Variants in THADA observed in about 807,000 individuals in gnomAD.
THADA encodes THADA armadillo repeat containing, also known as tRNA (32-2'-O)-methyltransferase regulator THADA.
In THADA, 213 loss-of-function variants were observed where a neutral mutation model predicts 219.8. The observed-to-expected ratio is 0.97, with a 90% CI of 0.87 to 1.09. The LOEUF (loss-of-function observed/expected upper bound fraction) is 1.09, where lower values mean the gene tolerates loss of function less well. Among genes scored for constraint, THADA ranks in the 50% least tolerant of loss-of-function variants. The probability of loss-of-function intolerance (pLI) is 0.00; values close to 1 mark genes in which losing one functional copy is unlikely to be tolerated. For missense variants in THADA, 2,956 were observed against 2,311.3 expected (o/e 1.28, Z -5.72); for synonymous variants, 1,018 against 828.9 (o/e 1.23, Z -3.92).
At chr2:43,553,162 G>A (rs1304156842) in intron 17 of THADA, among the ~76,000 whole-genome samples, 3 of 152,144 alleles carry the variant, frequency 2.0e-5, no homozygotes, top group East Asian at 1.9e-4. Flanking sequence ...GTTGACAGAC[G>A]TAGATTGTTC....
intron 16 of THADA, among the ~76,000 whole-genome samples, chr2:43,557,487 A>T (rs952204712): frequency 1.1e-4 from 17 of 152,224 alleles, no homozygotes; most frequent in African/African-American, 4.1e-4. Context: ...GTACCTGGTG[A>T]AACTTTGTGT....
intron 25 of THADA, among the ~76,000 whole-genome samples, chr2:43,497,860 G>C (rs1044030587): frequency 1.3e-5 from 2 of 152,098 alleles, no homozygotes; most frequent in African/African-American, 4.8e-5. Context: ...ACTCCAGCCT[G>C]GGTGACAGAG....
intron 26 of THADA, among the ~76,000 whole-genome samples, chr2:43,437,370 T>C (rs1336368904): frequency 6.6e-6 from 1 of 152,228 alleles, no homozygotes; most frequent in African/African-American, 2.4e-5. Flanking sequence ...AGACAGCCTT[T>C]TGAGTTTCTA....
At chr2:43,487,925 A>C (rs1338690598) in intron 25 of THADA, among the ~76,000 whole-genome samples, 1 of 150,910 alleles carries the variant, frequency 6.6e-6, no homozygotes, top group African/African-American at 2.4e-5. Context: ...ATTAGCGATC[A>C]ATGATGATCA....
chr2:43,283,609 A>T (rs1453407940), intron 35 of THADA, among the ~76,000 whole-genome samples: 2 of 152,198 alleles, frequency 1.3e-5, no homozygotes, highest in Admixed American at 1.3e-4. Flanking sequence ...GATTGGTGGC[A>T]TTTTGCCCCT....
At chr2:43,321,186 T>C (rs1466796540) in intron 30 of THADA, among the ~76,000 whole-genome samples, 1 of 152,232 alleles carries the variant, frequency 6.6e-6, no homozygotes, top group African/African-American at 2.4e-5. Context: ...AAAGACTTTC[T>C]TTTTAAGAAC....
chr2:43,506,197 T>A (rs1332123850), intron 23 of THADA, among the ~76,000 whole-genome samples: 1 of 152,208 alleles, frequency 6.6e-6, no homozygotes, highest in Admixed American at 6.5e-5. Context: ...AGTTAGTTAA[T>A]TCTTCACAAA....
rs114599877 is a variant in THADA, at chr2:43,560,174, T to C, written c.2463+60A>G. 510 of 1,440,224 alleles carry C rather than the reference T, an allele frequency of 3.5e-4. 3 individuals carry two copies. The African/African-American group carries it at 6.0e-3, about 17-fold the overall frequency. The allele number at this position is 1,440,224 out of a possible 1,614,324, so 89.2% of individuals were successfully genotyped here. A position where few individuals can be genotyped will look rare whatever the true frequency, so the allele number is the denominator to read the frequency against. The stretch of plus-strand genomic sequence containing the variant: ...CACATGAATAATCCTCAGATTGCTT[T>C]ATCTGCTGATAGAAAGTTTCCATGC... On this transcript the variant is annotated intron_variant, in intron 16 of 37. Transcript: ENST00000405975.
In THADA at chr2:43,533,857, C is replaced by T. The variant is rs544826387; in HGVS notation, c.3265-5869G>A. ...AACCACCGTGGCACATGTATACCTA[C>T]GTAACAAACCTCACGTTCAGCACAT... is the stretch of plus-strand genomic sequence containing the variant. On this transcript the variant is annotated intron_variant, in intron 21 of 37. Coordinates refer to ENST00000405975, the MANE Select transcript of THADA (RefSeq NM_022065.5). 7.8e-4 allele frequency among the ~76,000 whole-genome samples: 119 copies of T among 152,170 alleles called. 1 individual carries two copies. In the South Asian group the frequency reaches 8.3e-3, roughly 11 times the overall value.
At chr2:43,262,176 T>C (rs1459440588) in intron 36 of THADA, among the ~76,000 whole-genome samples, 1 of 152,252 alleles carries the variant, frequency 6.6e-6, no homozygotes, top group Non-Finnish European at 1.5e-5. Flanking sequence ...CAAAACATTA[T>C]GTTTCTTTGC....
At chr2:43,536,571 T>C (rs1245582216) in intron 21 of THADA, among the ~76,000 whole-genome samples, 1 of 152,154 alleles carries the variant, frequency 6.6e-6, no homozygotes, top group East Asian at 1.9e-4. Context: ...AGTATCTCTA[T>C]AGGGAAATTA....
In THADA at chr2:43,500,595, T is replaced by C. The variant is rs535465237; in HGVS notation, c.3622-1640A>G. 2.0e-5 allele frequency among the ~76,000 whole-genome samples: 3 copies of C among 152,276 alleles called. No individual in the cohort carries two copies. The South Asian group carries it at 6.2e-4, about 32-fold the overall frequency. On this transcript the variant is annotated intron_variant, in intron 24 of 37. Coordinates refer to ENST00000405975, the MANE Select transcript of THADA (RefSeq NM_022065.5). Reference sequence around the variant, plus strand: ...TTTATCTAAAAAGATGCAAAAAATATTCAATAAAATTCAATTTCCTTAATA... The same window carrying C: ...TTTATCTAAAAAGATGCAAAAAATACTCAATAAAATTCAATTTCCTTAATA...
intron 21 of THADA, among the ~76,000 whole-genome samples, chr2:43,529,648 G>A (rs1243696724): frequency 3.3e-5 from 5 of 152,132 alleles, no homozygotes; most frequent in Non-Finnish European, 7.4e-5. Context: ...TCAAGATTTT[G>A]TATAAAACTC....
intron 36 of THADA, among the ~76,000 whole-genome samples, chr2:43,247,341 T>G (rs1669255726): frequency 6.6e-6 from 1 of 152,194 alleles, no homozygotes; most frequent in South Asian, 2.1e-4. Flanking sequence ...TGGGGGAAAT[T>G]GTGATTTGGT....
rs1364772341 is a variant in THADA at position 43,552,866 on chromosome 2, C to CCCTTCT, written c.2675-533_2675-528dup. 5.9e-5 allele frequency among the ~76,000 whole-genome samples: 9 copies of CCCTTCT among 151,946 alleles called. No individual in the cohort carries two copies. In the East Asian group the frequency reaches 1.2e-3, roughly 20 times the overall value. On this transcript the variant is annotated intron_variant, in intron 17 of 37. Transcript: ENST00000405975. ...AGTCACTGCTCTCCTTGCACCTCTA[C>CCCTTCT]CCTTCTCCAGCCCTAGAGGATCACA...
At chr2:43,393,940 A>G (rs556075107) in intron 29 of THADA, among the ~76,000 whole-genome samples, 2 of 152,292 alleles carry the variant, frequency 1.3e-5, no homozygotes, top group African/African-American at 4.8e-5. Context: ...CCTCCTCAAT[A>G]TAAGATTTTC....
At chr2:43,481,544 C>T (rs1199115221) in intron 26 of THADA, among the ~76,000 whole-genome samples, 2 of 152,152 alleles carry the variant, frequency 1.3e-5, no homozygotes, top group Non-Finnish European at 2.9e-5. Flanking sequence ...ACATATACTC[C>T]ACTCAATTCT....
chr2:43,496,771 C>A (rs1468747609), intron 25 of THADA, among the ~76,000 whole-genome samples: 2 of 151,936 alleles, frequency 1.3e-5, no homozygotes, highest in Admixed American at 6.6e-5. Flanking sequence ...TTTGTTCATT[C>A]CTCAAAAAGT....
chr2:43,542,108 T>G (rs1015510103), intron 20 of THADA, among the ~76,000 whole-genome samples: 12 of 152,236 alleles, frequency 7.9e-5, no homozygotes, highest in Non-Finnish European at 1.8e-4. Flanking sequence ...AGGAGTATTT[T>G]TGGTACTGAT....
Sources: gnomAD v4.1 joint callset for allele counts (sites outside exome capture counted in the v4.1 genomes callset) on GRCh38, gnomAD v4.1.1 for gene constraint, MANE v1.5 for transcripts, NCBI Gene and HGNC (gene_info 2026-07-23, HGNC 2026-07-21) for gene names.